ANKS1B: variants seen among roughly 807,000 people sequenced by gnomAD.
The protein encoded by ANKS1B is ankyrin repeat and sterile alpha motif domain-containing protein 1B.
A neutral mutation model predicts 148.3 loss-of-function variants in ANKS1B; 36 were observed. The observed-to-expected ratio is 0.24, with a 90% CI of 0.19 to 0.32. ANKS1B has a LOEUF of 0.32. ANKS1B is among the 10% of genes least tolerant of loss of function. The pLI is 1.00. For missense variants in ANKS1B, 1,157 were observed against 1,542.6 expected (o/e 0.75, Z 4.19); for synonymous variants, 542 against 560.8 (o/e 0.97, Z 0.47).
At chr12:99,667,926 A>C (rs1279049349) in intron 8 of ANKS1B, among the ~76,000 whole-genome samples, 1 of 152,210 alleles carries the variant, frequency 6.6e-6, no homozygotes, top group Non-Finnish European at 1.5e-5. Context: ...TTTTAAGTGT[A>C]TGCCGGACTT....
intron 17 of ANKS1B, among the ~76,000 whole-genome samples, chr12:98,951,389 A>T (rs1411096478): frequency 6.6e-6 from 1 of 152,194 alleles, no homozygotes; most frequent in East Asian, 1.9e-4. Flanking sequence ...TTAATGAGAA[A>T]CAAAAAAATT....
At chr12:99,969,943 T>G (rs569486625) in intron 1 of ANKS1B, among the ~76,000 whole-genome samples, 1 of 152,248 alleles carries the variant, frequency 6.6e-6, no homozygotes, top group African/African-American at 2.4e-5. Flanking sequence ...GGGGAAGACA[T>G]TGCAAGACTT....
At position 99,390,740 on chromosome 12, in the gene ANKS1B, G is replaced by T. The variant is rs74663841; in HGVS notation, c.1756+8891C>A. 3.8e-3 allele frequency among the ~76,000 whole-genome samples: 578 copies of T among 152,306 alleles called. 34 individuals are homozygous for T. The East Asian group carries it at 0.086, about 23-fold the overall frequency. On this transcript the variant is annotated intron_variant, in intron 12 of 26. Transcript: ENST00000683438. The stretch of plus-strand genomic sequence containing the variant: ...GGGATAAATCTTTCTGAGTCCCACT[G>T]ATATTCCTAAATTACGAATGAGACC...
intron 12 of ANKS1B, among the ~76,000 whole-genome samples, chr12:99,378,634 C>T (rs73151138): frequency 0.14 from 17,763 of 124,950 alleles, 1,172 homozygotes; most frequent in African/African-American, 0.2. Context: ...AGCCTGGCAA[C>T]GGAGTGAGAC....
At chr12:99,627,236 G>C (rs536684719) in intron 9 of ANKS1B, among the ~76,000 whole-genome samples, 82 of 152,186 alleles carry the variant, frequency 5.4e-4, no homozygotes, top group Non-Finnish European at 9.3e-4. Context: ...CAATTGAGAT[G>C]TTCTTTACCT....
At chr12:99,903,749 G>GT in intron 1 of ANKS1B, among the ~76,000 whole-genome samples, 1 of 140,192 alleles carries the variant, frequency 7.1e-6, no homozygotes, top group African/African-American at 3.3e-5. Context: ...AAAAATGGGA[G>GT]GGGGGGAGAG....
intron 17 of ANKS1B, among the ~76,000 whole-genome samples, chr12:98,980,319 G>GCCTC (rs1336957168): frequency 2.6e-5 from 4 of 152,176 alleles, no homozygotes; most frequent in Non-Finnish European, 5.9e-5. Context: ...TCCTACCTCA[G>GCCTC]CCTCCCGAGT....
chr12:99,499,405 T>TAAC (rs897346882), intron 10 of ANKS1B, among the ~76,000 whole-genome samples: 5 of 152,258 alleles, frequency 3.3e-5, no homozygotes, highest in Non-Finnish European at 5.9e-5. Flanking sequence ...TACCCAATTT[T>TAAC]AACAACAACA....
chr12:99,919,488 T>C (rs2094282031), intron 1 of ANKS1B, among the ~76,000 whole-genome samples: 1 of 152,042 alleles, frequency 6.6e-6, no homozygotes. Flanking sequence ...TAAGTTTAGA[T>C]GGAAATAAAT....
In ANKS1B at chr12:99,772,711, G is replaced by A. The variant is rs1273096660; in HGVS notation, c.1128+211C>T. The stretch of plus-strand genomic sequence containing the variant: ...GTTTTTAAGAAAGAGTCTAAAAGTA[G>A]AGAGACCATGAAGTGATCTGTCAAA... On this transcript the variant is annotated intron_variant, in intron 8 of 26. Coordinates refer to ENST00000683438, the MANE Select transcript of ANKS1B (RefSeq NM_001352186.2). The A allele has an allele frequency of 1.0e-5, 4 of 384,154 alleles. No homozygotes were observed. The East Asian group carries it at 1.6e-4, about 15-fold the overall frequency. The allele number at this position is 384,154 out of a possible 1,614,324, so 23.8% of individuals were successfully genotyped here.
At chr12:98,796,085 A>G (rs2098946431) in intron 22 of ANKS1B, among the ~76,000 whole-genome samples, 1 of 152,144 alleles carries the variant, frequency 6.6e-6, no homozygotes, top group African/African-American at 2.4e-5. Flanking sequence ...CTCTATGGTA[A>G]TACTTCTACC....
intron 11 of ANKS1B, 102 bp from the exon 12 acceptor site, chr12:99,399,913 A>C: frequency 8.7e-7 from 1 of 1,148,252 alleles, no homozygotes. Flanking sequence ...TTCAGTTAAA[A>C]ACTATCTGGG....
chr12:99,494,120 G>A (rs2096580202), intron 10 of ANKS1B, among the ~76,000 whole-genome samples: 1 of 152,180 alleles, frequency 6.6e-6, no homozygotes, highest in Admixed American at 6.5e-5. Flanking sequence ...TCCAGATGGA[G>A]GTGTCGCCAA....
chr12:98,980,321 C>T (rs1174927166), intron 17 of ANKS1B, among the ~76,000 whole-genome samples: 11 of 152,322 alleles, frequency 7.2e-5, no homozygotes, highest in Admixed American at 2.0e-4. Context: ...CTACCTCAGC[C>T]TCCCGAGTAG....
chr12:98,771,194 C>T (rs557662265), intron 25 of ANKS1B, among the ~76,000 whole-genome samples: 22 of 152,112 alleles, frequency 1.4e-4, no homozygotes, highest in African/African-American at 3.4e-4. Context: ...TTTTGAGTGA[C>T]GGTTTCACTC....
At chr12:98,786,731 C>CT (rs140848719) in intron 22 of ANKS1B, among the ~76,000 whole-genome samples, 12 of 152,272 alleles carry the variant, frequency 7.9e-5, no homozygotes, top group African/African-American at 2.9e-4. Flanking sequence ...CTGTAATGCT[C>CT]TTTGAGTCTG....
At chr12:99,065,243 T>C (rs978350338) in intron 16 of ANKS1B, among the ~76,000 whole-genome samples, 5 of 152,222 alleles carry the variant, frequency 3.3e-5, no homozygotes, top group Non-Finnish European at 4.4e-5. Flanking sequence ...ATGCTACTAT[T>C]AATCAGGAAT....
intron 12 of ANKS1B, among the ~76,000 whole-genome samples, 164 bp downstream of exon 12, chr12:99,399,467 T>C (rs4412832): frequency 0.051 from 7,798 of 152,174 alleles, 647 homozygotes; most frequent in African/African-American, 0.17. Flanking sequence ...TCAAAAAGAA[T>C]ATTACAGCCA....
intron 8 of ANKS1B, among the ~76,000 whole-genome samples, chr12:99,708,760 C>T (rs1292409293): frequency 6.6e-6 from 1 of 152,084 alleles, no homozygotes; most frequent in Non-Finnish European, 1.5e-5. Context: ...ATTTCCATAT[C>T]TCAAAATCCT....
Sources: gnomAD v4.1 joint callset for allele counts (sites outside exome capture counted in the v4.1 genomes callset) on GRCh38, gnomAD v4.1.1 for gene constraint, MANE v1.5 for transcripts, NCBI Gene and HGNC (gene_info 2026-07-23, HGNC 2026-07-21) for gene names.